Variants in LRBA observed in about 807,000 individuals in gnomAD.
The protein encoded by LRBA is lipopolysaccharide-responsive and beige-like anchor protein.
A neutral mutation model predicts 330.0 loss-of-function variants in LRBA; 176 were observed. The ratio of observed to expected loss-of-function variants is 0.53; its 90% confidence interval spans 0.47 to 0.60. The LOEUF is 0.60. Among genes scored for constraint, LRBA ranks in the 20% least tolerant of loss-of-function variants. The pLI, the probability that LRBA is intolerant of heterozygous loss-of-function variation, is 0.00. For missense variants in LRBA, 3,259 were observed against 3,444.8 expected (o/e 0.95, Z 1.35); for synonymous variants, 1,230 against 1,193.0 (o/e 1.03, Z -0.64).
At chr4:150,655,998 A>G (rs1353078079) in intron 37 of LRBA, among the ~76,000 whole-genome samples, 1 of 152,026 alleles carries the variant, frequency 6.6e-6, no homozygotes, top group Non-Finnish European at 1.5e-5. Context: ...GGATCTTCAC[A>G]TTTGTGGGGA....
chr4:150,781,170 C>T (rs1462365503), intron 34 of LRBA, among the ~76,000 whole-genome samples: 1 of 152,162 alleles, frequency 6.6e-6, no homozygotes, highest in Non-Finnish European at 1.5e-5. Flanking sequence ...TGAGCCACCA[C>T]GCCCGGCCGT....
At chr4:150,349,948 A>AAT in intron 48 of LRBA, 44 bp downstream of exon 48, 1 of 1,574,924 alleles carries the variant, frequency 6.3e-7, no homozygotes, top group Non-Finnish European at 8.7e-7. Context: ...TTCTAGTTTA[A>AAT]ATATACCTGA....
At chr4:150,485,776 T>A (rs1383810412) in intron 42 of LRBA, among the ~76,000 whole-genome samples, 1 of 152,012 alleles carries the variant, frequency 6.6e-6, no homozygotes, top group Non-Finnish European at 1.5e-5. Flanking sequence ...TGGTACTTTG[T>A]TATGACAGCC....
chr4:150,393,333 C>CTG (rs1433858978), intron 47 of LRBA, among the ~76,000 whole-genome samples: 2 of 142,044 alleles, frequency 1.4e-5, no homozygotes, highest in East Asian at 4.1e-4. Flanking sequence ...GTGCTAAAAT[C>CTG]TTTTTTTTTT....
At chr4:150,816,635 G>C (rs1007753316) in intron 31 of LRBA, among the ~76,000 whole-genome samples, 7 of 151,774 alleles carry the variant, frequency 4.6e-5, no homozygotes, top group Non-Finnish European at 8.8e-5. Context: ...CTTCAGAGCA[G>C]CATTCCTTTC....
At chr4:150,442,611 G>T (rs986539335) in intron 44 of LRBA, among the ~76,000 whole-genome samples, 2 of 152,080 alleles carry the variant, frequency 1.3e-5, no homozygotes, top group African/African-American at 4.8e-5. Flanking sequence ...TGCAATTAGA[G>T]GTTATATGTT....
chr4:150,371,182 ATTTTTTTTTTTTT>A lies in LRBA; in HGVS notation c.7195-21036_7195-21024del, dbSNP rs70937395. 2.9e-3 allele frequency among the ~76,000 whole-genome samples: 267 copies of A among 91,940 alleles called. 6 individuals carry two copies. The highest frequency in any genetic ancestry group is 0.012 in the African/African-American group (243 of 20,838). 60.3% of individuals were successfully genotyped at this position (91,940 alleles called of 152,430 possible). On this transcript the variant is annotated intron_variant, in intron 47 of 56. Transcript: ENST00000651943. ...AAAAGCATGAGCTGCAAGCTACTAA[ATTTTTTTTTTTTT>A]TTTTTTTTTTTTTTGGAGACAGAGT...
At chr4:150,412,511 G>T (rs1323069633) in intron 47 of LRBA, among the ~76,000 whole-genome samples, 1 of 152,112 alleles carries the variant, frequency 6.6e-6, no homozygotes, top group Non-Finnish European at 1.5e-5. Flanking sequence ...GGCAGTGAGG[G>T]TAGAGATGGG....
intron 37 of LRBA, among the ~76,000 whole-genome samples, chr4:150,667,610 G>A (rs1437805780): frequency 2.0e-5 from 3 of 152,160 alleles, no homozygotes; most frequent in Non-Finnish European, 4.4e-5. Flanking sequence ...TTAGGAGGTA[G>A]GGTCCCTTAG....
intron 40 of LRBA, among the ~76,000 whole-genome samples, chr4:150,550,084 T>C (rs1266537138): frequency 6.6e-6 from 1 of 152,198 alleles, no homozygotes; most frequent in Non-Finnish European, 1.5e-5. Flanking sequence ...ATTTAGCTCA[T>C]TAGTTTTAGC....
At chr4:150,559,895 TTATATATAATTATATATAATATATAA>T (rs1768048768) in intron 40 of LRBA, among the ~76,000 whole-genome samples, 3 of 43,394 alleles carry the variant, frequency 6.9e-5, no homozygotes, top group Non-Finnish European at 8.7e-5. Flanking sequence ...TTATATATAA[TTATATATAATTATATATAATATATAA>T]ATATAAATAT....
intron 47 of LRBA, among the ~76,000 whole-genome samples, chr4:150,368,198 C>T (rs1739756244): frequency 6.6e-6 from 1 of 152,054 alleles, no homozygotes; most frequent in Non-Finnish European, 1.5e-5. Flanking sequence ...CTTCATAATA[C>T]CCCCAATTCA....
At chr4:150,796,247 G>A (rs557121988) in intron 34 of LRBA, among the ~76,000 whole-genome samples, 3 of 151,858 alleles carry the variant, frequency 2.0e-5, no homozygotes, top group Non-Finnish European at 4.4e-5. Context: ...GAAAAAGACA[G>A]TTCACTTCTT....
At chr4:150,267,647 A>C (rs1436488891) in intron 56 of LRBA, among the ~76,000 whole-genome samples, 1 of 152,226 alleles carries the variant, frequency 6.6e-6, no homozygotes, top group Non-Finnish European at 1.5e-5. Context: ...CAGAAGGAAG[A>C]AAATAATAAA....
chr4:150,858,797 G>C (rs1751534257), intron 22 of LRBA, among the ~76,000 whole-genome samples: 1 of 152,132 alleles, frequency 6.6e-6, no homozygotes, highest in African/African-American at 2.4e-5. Context: ...AAAGTGCTGG[G>C]AGGCATGAGC....
chr4:150,674,791 C>T (rs1435935510), intron 37 of LRBA, among the ~76,000 whole-genome samples: 1 of 152,128 alleles, frequency 6.6e-6, no homozygotes, highest in African/African-American at 2.4e-5. Flanking sequence ...AGGAGGGCTG[C>T]TTGAGCCCTG....
At position 150,265,548 on chromosome 4, in the gene LRBA, A is replaced by G. The variant is rs1029125703; in HGVS notation, c.*174T>C. 3.7e-6 allele frequency: 2 copies of G among 534,138 alleles called. No homozygotes were observed. The highest frequency in any genetic ancestry group is 6.8e-6 in the Non-Finnish European group (2 of 293,028). The allele number at this position is 534,138 out of a possible 1,614,324, so 33.1% of individuals were successfully genotyped here. A position where few individuals can be genotyped will look rare whatever the true frequency, so the allele number is the denominator to read the frequency against. On this transcript the variant is annotated 3_prime_UTR_variant, in exon 57 of 57. Coordinates refer to ENST00000651943, the MANE Select transcript of LRBA (RefSeq NM_001364905.1). The stretch of plus-strand genomic sequence containing the variant: ...CCAGCAGCCAGTTTTCTGCTTTGCT[A>G]ATCCCCCCCAAAAAAGTCAAGCAAA...
At chr4:150,930,194 A>G (rs555949288) in intron 2 of LRBA, among the ~76,000 whole-genome samples, 1 of 152,286 alleles carries the variant, frequency 6.6e-6, no homozygotes, top group African/African-American at 2.4e-5. Flanking sequence ...ATGCGCCTGT[A>G]ATCCCAGCTA....
rs1213948910 is a variant in LRBA, at chr4:150,265,237, T to G, written c.*485A>C. 6.4e-6 allele frequency: 1 copy of G among 156,032 alleles called. No individual in the cohort carries two copies. Among genetic ancestry groups the G allele is most frequent in the Non-Finnish European group, 1.4e-5 (1 of 69,920 alleles). 9.7% of individuals were successfully genotyped at this position (156,032 alleles called of 1,614,324 possible). A position where few individuals can be genotyped will look rare whatever the true frequency, so the allele number is the denominator to read the frequency against. Reference sequence around the variant, plus strand: ...TGTTTTAAATTACATTTACCATAATTTAAACATTACTATTTAAATCCCAGA... The same window carrying G: ...TGTTTTAAATTACATTTACCATAATGTAAACATTACTATTTAAATCCCAGA... On this transcript the variant is annotated 3_prime_UTR_variant, in exon 57 of 57. Transcript: ENST00000651943.
Sources: gnomAD v4.1 joint callset for allele counts (sites outside exome capture counted in the v4.1 genomes callset) on GRCh38, gnomAD v4.1.1 for gene constraint, MANE v1.5 for transcripts, NCBI Gene and HGNC (gene_info 2026-07-23, HGNC 2026-07-21) for gene names.